Variants in VILL observed in about 807,000 individuals in gnomAD.
VILL encodes the protein villin-like protein.
In VILL, 102 loss-of-function variants were observed where a neutral mutation model predicts 106.3. The observed-to-expected ratio is 0.96, with a 90% CI of 0.82 to 1.13. The LOEUF is 1.13. Among genes scored for constraint, VILL ranks in the 50% most tolerant of loss-of-function variants. The probability of loss-of-function intolerance (pLI) is 0.00; values close to 1 mark genes in which losing one functional copy is unlikely to be tolerated. For missense variants in VILL, 1,076 were observed against 1,116.6 expected (o/e 0.96, Z 0.52); for synonymous variants, 431 against 440.3 (o/e 0.98, Z 0.27).
chr3:37,998,580 C>G lies in VILL; in HGVS notation c.942+216C>G, dbSNP rs1038284554. ...TCTGAGAAACCATGTGTAAAAGGGG[C>G]ACGTGGCCCTGCCTTCAGGTCTGGG... On this transcript the variant is annotated intron_variant, in intron 9 of 19. Transcript: ENST00000383759. The surrounding 1 kb of genome is among the most constrained non-coding windows in gnomAD (Gnocchi z 4.1). Among the ~76,000 whole-genome samples, 5 of 152,168 alleles carry G rather than the reference C, an allele frequency of 3.3e-5. No individual in the cohort carries two copies. The highest frequency in any genetic ancestry group is 7.4e-5 in the Non-Finnish European group (5 of 68,026).
chr3:37,995,883 T>G (rs972513035), intron 5 of VILL, 36 bp downstream of exon 5: 3 of 1,574,580 alleles, frequency 1.9e-6, no homozygotes, highest in Non-Finnish European at 2.6e-6. Context: ...ACCTCTGAAC[T>G]CGGCTCAGAC....
chr3:37,992,930 G>A (rs1405404226), intron 1 of VILL, among the ~76,000 whole-genome samples: 1 of 152,204 alleles, frequency 6.6e-6, no homozygotes, highest in Non-Finnish European at 1.5e-5. Flanking sequence ...GGGTGTTCCT[G>A]CTATTGATAA....
rs369383181 is a variant in VILL at position 38,003,326 on chromosome 3, G to A, written c.1805+13G>A. Reference sequence around the variant, plus strand: ...CCAGCAACAAGAGGTAACAGGGTTGGGAGGAGAGTGTTCTTACCCAGAGGA... The same window carrying A: ...CCAGCAACAAGAGGTAACAGGGTTGAGAGGAGAGTGTTCTTACCCAGAGGA... On this transcript the variant is annotated intron_variant, in intron 15 of 19. Coordinates refer to ENST00000383759, the MANE Select transcript of VILL (RefSeq NM_015873.4). 4.5e-5 allele frequency: 71 copies of A among 1,595,460 alleles called. No homozygotes were observed. Among genetic ancestry groups the A allele is most frequent in the Non-Finnish European group, 5.3e-5 (62 of 1,172,384 alleles).
Position 37,997,474 on chromosome 3 carries a change from C to T in VILL, c.562-9C>T. ...GGTGACACCCTGACTCCCAGGTCCT[C>T]TCCCGCAGGGGCTGGCTTTGACCTA... On this transcript the variant is annotated splice_polypyrimidine_tract_variant and intron_variant, in intron 6 of 19. Coordinates refer to ENST00000383759, the MANE Select transcript of VILL (RefSeq NM_015873.4). The surrounding 1 kb of genome is among the most constrained non-coding windows in gnomAD (Gnocchi z 4.7). 6.2e-7 allele frequency: 1 copy of T among 1,613,038 alleles called. No homozygotes were observed. The highest frequency in any genetic ancestry group is 8.5e-7 in the Non-Finnish European group (1 of 1,179,924).
intron 15 of VILL, 193 bp downstream of exon 15, chr3:38,003,506 T>A: frequency 2.0e-6 from 1 of 510,322 alleles, no homozygotes; most frequent in Non-Finnish European, 3.1e-6. Flanking sequence ...CTTGCGTCTC[T>A]CAGATGCTGG....
Position 37,998,948 on chromosome 3 carries a change from A to C in VILL, c.979A>C (p.Asn327His). The C allele has an allele frequency of 2.5e-6, 4 of 1,610,252 alleles. No individual in the cohort carries two copies. Among genetic ancestry groups the C allele is most frequent in the Non-Finnish European group, 3.4e-6 (4 of 1,178,224 alleles). ...IQAKGYPTYT[N>H]VEVVNDGAES... ...GGCCAAGGGCTACCCGACCTACACCAACGTGGAGGTGGTGAACGACGGCGC... is the reference window on the plus strand; with the variant it reads ...GGCCAAGGGCTACCCGACCTACACCCACGTGGAGGTGGTGAACGACGGCGC... Residue 327 changes from asparagine to histidine, a missense_variant, in exon 10 of 20, where the codon AAC becomes CAC. Coordinates refer to ENST00000383759, the MANE Select transcript of VILL (RefSeq NM_015873.4). This position sits in a 1 kb window ranked among gnomAD's most constrained non-coding sequence, Gnocchi z 4.1.
At chr3:37,989,714 C>G (rs1449501388), upstream of VILL, among the ~76,000 whole-genome samples, 1 of 152,170 alleles carries the variant, frequency 6.6e-6, no homozygotes, top group Non-Finnish European at 1.5e-5. Context: ...CACACTGCCA[C>G]TGTCACAGAC....
chr3:37,995,172 T>C (rs1480024218), intron 4 of VILL, among the ~76,000 whole-genome samples: 2 of 152,254 alleles, frequency 1.3e-5, no homozygotes, highest in East Asian at 3.8e-4. Context: ...GGAATATATC[T>C]TTCGCTGTAA....
chr3:37,994,048 C>G, intron 3 of VILL, 76 bp downstream of exon 3: 1 of 1,575,918 alleles, frequency 6.3e-7, no homozygotes, highest in East Asian at 2.2e-5. Flanking sequence ...CAGGCATAAA[C>G]TCTGCCCTGG....
chr3:37,996,500 A>C (rs1699703621), intron 5 of VILL, among the ~76,000 whole-genome samples: 1 of 152,210 alleles, frequency 6.6e-6, no homozygotes, highest in African/African-American at 2.4e-5. Flanking sequence ...ATGAACATTC[A>C]GGTGTACAAC....
intron 11 of VILL, chr3:38,001,171 G>A (rs976938344): frequency 5.4e-6 from 3 of 552,070 alleles, no homozygotes; most frequent in African/African-American, 1.9e-5. Context: ...CCTAACCAGG[G>A]TTGTGGCTGG....
intron 5 of VILL, 80 bp downstream of exon 5, chr3:37,995,927 G>A: frequency 8.3e-7 from 1 of 1,211,730 alleles, no homozygotes; most frequent in East Asian, 2.4e-5. Context: ...GTTGGAAATT[G>A]GCTGGGGTTG....
At position 37,990,881 on chromosome 3, in the gene VILL, G is replaced by A. The variant is rs761238548; in HGVS notation, c.-87+52G>A. The A allele has an allele frequency of 8.5e-5, 13 of 152,542 alleles. No homozygotes were observed. Among genetic ancestry groups the A allele is most frequent in the Non-Finnish European group, 1.8e-4 (12 of 68,270 alleles). 9.4% of individuals were successfully genotyped at this position (152,542 alleles called of 1,614,324 possible). A position where few individuals can be genotyped will look rare whatever the true frequency, so the allele number is the denominator to read the frequency against. On this transcript the variant is annotated intron_variant, in intron 1 of 19. Transcript: ENST00000383759. The surrounding 1 kb of genome is among the most constrained non-coding windows in gnomAD (Gnocchi z 5.1). ...CGGGGGTTTCCAGGGAACCAGTGGG[G>A]CAGAGTGGGCTATTCAAGTCAAGGG...
At chr3:37,993,832 C>T in intron 2 of VILL, 66 bp from the exon 3 acceptor site, 3 of 1,606,888 alleles carry the variant, frequency 1.9e-6, no homozygotes, top group Non-Finnish European at 2.6e-6. Flanking sequence ...TCCTCTTCCA[C>T]CCCACCCCAG....
At chr3:38,001,103 G>T in intron 11 of VILL, 2 of 504,506 alleles carry the variant, frequency 4.0e-6, no homozygotes, top group Non-Finnish European at 7.6e-6. Context: ...TTCCCTTTCC[G>T]CCCGGCTTCT....
chr3:38,001,893 T>A (rs1287799974), intron 13 of VILL, 33 bp downstream of exon 13: 1 of 1,613,700 alleles, frequency 6.2e-7, no homozygotes, highest in Non-Finnish European at 8.5e-7. Flanking sequence ...GGCCACAGCC[T>A]GCCCAGTTCT....
intron 5 of VILL, 51 bp downstream of exon 5, chr3:37,995,898 T>C: frequency 1.3e-6 from 2 of 1,484,584 alleles, no homozygotes; most frequent in Non-Finnish European, 1.9e-6. Context: ...TCAGACTGGG[T>C]GTACTGAGGT....
At chr3:38,005,099 T>C (rs1699890754) in intron 16 of VILL, among the ~76,000 whole-genome samples, 1 of 152,074 alleles carries the variant, frequency 6.6e-6, no homozygotes, top group South Asian at 2.1e-4. Context: ...TGGATGACTG[T>C]GTGTCTGTGT....
chr3:38,004,504 G>A, intron 16 of VILL, 105 bp downstream of exon 16: 1 of 1,461,722 alleles, frequency 6.8e-7, no homozygotes, highest in Non-Finnish European at 9.3e-7. Context: ...ACACAGGGCT[G>A]TGGGTGAGTC....
Sources: gnomAD v4.1 joint callset for allele counts (sites outside exome capture counted in the v4.1 genomes callset) on GRCh38, gnomAD v4.1.1 for gene constraint, Gnocchi (gnomAD v3.1) non-coding constraint, MANE v1.5 for transcripts, NCBI Gene and HGNC (gene_info 2026-07-23, HGNC 2026-07-21) for gene names.